The following GRIA3 variants were observed in gnomAD, a reference collection of about 807,000 sequenced individuals.
GRIA3 encodes the protein glutamate ionotropic receptor AMPA type subunit 3, also known as glutamate receptor 3.
GRIA3 carries 3 observed loss-of-function variants against 63.0 expected under a neutral mutation model. That is an observed-to-expected ratio of 0.05 (90% CI 0.02 to 0.12). GRIA3 has a LOEUF of 0.12. GRIA3 is among the 10% of genes least tolerant of loss of function. The pLI, the probability that GRIA3 is intolerant of heterozygous loss-of-function variation, is 1.00. For missense variants in GRIA3, 347 were observed against 700.9 expected (o/e 0.50, Z 5.70); for synonymous variants, 274 against 257.9 (o/e 1.06, Z -0.60).
At chrX:123,407,774 G>T (rs1158039973) in intron 10 of GRIA3, among the ~76,000 whole-genome samples, 1 of 101,977 alleles carries the variant, frequency 9.8e-6, no homozygotes, top group Non-Finnish European at 2.0e-5. Context: ...TGACTCTGAA[G>T]TCCATGCTTT....
At chrX:123,475,620 G>A (rs757803174) in intron 13 of GRIA3, among the ~76,000 whole-genome samples, 35 of 111,977 alleles carry the variant, frequency 3.1e-4, no homozygotes, top group African/African-American at 1.1e-3. Context: ...TCTCTATTGA[G>A]GTGAGTACAA....
chrX:123,438,735 G>A (rs2045658155), intron 12 of GRIA3, among the ~76,000 whole-genome samples: 1 of 112,340 alleles, frequency 8.9e-6, no homozygotes, highest in African/African-American at 3.2e-5. Flanking sequence ...GTTGGCCCCT[G>A]ACCTCGTGAT....
At position 123,432,937 on chromosome X, in the gene GRIA3, T is replaced by C. The variant is rs989193210; in HGVS notation, c.2076+4798T>C. Among the ~76,000 whole-genome samples the C allele has an allele frequency of 2.7e-5, 3 of 111,589 alleles. No individual in the cohort carries two copies. The East Asian group carries it at 8.5e-4, about 32-fold the overall frequency. Reference sequence around the variant, plus strand: ...CACCCTTTTTGAAACAAGCAAACTTTTGGAAAATGGCCAGGTCTGGAGGCT... The same window carrying C: ...CACCCTTTTTGAAACAAGCAAACTTCTGGAAAATGGCCAGGTCTGGAGGCT... On this transcript the variant is annotated intron_variant, in intron 12 of 15. Transcript: ENST00000620443.
chrX:123,403,037 A>G lies in GRIA3; in HGVS notation c.1124A>G (p.Tyr375Cys). ...ACTGGAAATATTCAATTTGACACTT[A>G]TGGACGTAGGACAAATTATACCATC... Reference protein sequence around the residue: ...GMTGNIQFDTYGRRTNYTIDV... With the variant: ...GMTGNIQFDTCGRRTNYTIDV... The change falls in exon 8 of 16, where the codon TAT (tyrosine) becomes TGT (cysteine). Residue 375 changes from tyrosine to cysteine, a missense_variant. Physicochemically the swap from Tyr to Cys is radical, Grantham distance 194. Coordinates refer to ENST00000620443, the MANE Select transcript of GRIA3 (RefSeq NM_007325.5). The G allele has an allele frequency of 8.5e-7, 1 of 1,177,046 alleles. No homozygotes were observed. The highest frequency in any genetic ancestry group is 1.2e-6 in the Non-Finnish European group (1 of 864,453).
At chrX:123,236,515 C>T (rs187470384) in intron 2 of GRIA3, among the ~76,000 whole-genome samples, 41 of 110,695 alleles carry the variant, frequency 3.7e-4, no homozygotes, top group Non-Finnish European at 6.2e-4. Context: ...GCTGCTTTTC[C>T]CCCCAGAGAA....
At chrX:123,213,008 G>C (rs1392989281) in intron 2 of GRIA3, among the ~76,000 whole-genome samples, 1 of 111,574 alleles carries the variant, frequency 9.0e-6, no homozygotes, top group Non-Finnish European at 1.9e-5. Context: ...TCTGCCTCCT[G>C]TCAGATCAGT....
chrX:123,324,094 G>A (rs1187628404), intron 3 of GRIA3, among the ~76,000 whole-genome samples: 4 of 111,578 alleles, frequency 3.6e-5, no homozygotes, highest in African/African-American at 1.3e-4. Flanking sequence ...CTGAGGAAAA[G>A]AATGTTAAAG....
chrX:123,355,999 C>T (rs1325730699), intron 5 of GRIA3, among the ~76,000 whole-genome samples: 2 of 111,964 alleles, frequency 1.8e-5, no homozygotes, highest in Non-Finnish European at 3.8e-5. Context: ...CAATAATTTG[C>T]TCTAAGTGGA....
chrX:123,209,683 TTCCCTAA>T (rs1427825271), intron 2 of GRIA3, among the ~76,000 whole-genome samples: 1 of 112,136 alleles, frequency 8.9e-6, no homozygotes, highest in Non-Finnish European at 1.9e-5. Context: ...TCAAGGTAGT[TTCCCTAA>T]TTAATTAGCT....
intron 3 of GRIA3, among the ~76,000 whole-genome samples, chrX:123,291,986 T>C (rs773143418): frequency 9.0e-6 from 1 of 111,445 alleles, no homozygotes; most frequent in Non-Finnish European, 1.9e-5. Context: ...TGCCTCAGGC[T>C]AACCAGAATT....
chrX:123,452,361 C>G (rs757679206), intron 12 of GRIA3, among the ~76,000 whole-genome samples: 12 of 108,148 alleles, frequency 1.1e-4, no homozygotes, highest in African/African-American at 4.1e-4. Context: ...CACTCCCCCC[C>G]CAAAAAAAAA....
chrX:123,193,091 T>TATG (rs1927483090), intron 2 of GRIA3, among the ~76,000 whole-genome samples: 1 of 109,069 alleles, frequency 9.2e-6, no homozygotes, highest in Admixed American at 1.0e-4. Context: ...CTTACTCAAG[T>TATG]ATGTATCTGT....
intron 3 of GRIA3, among the ~76,000 whole-genome samples, chrX:123,280,554 G>A (rs775746132): frequency 3.6e-5 from 4 of 112,052 alleles, no homozygotes; most frequent in South Asian, 3.7e-4. Context: ...TTGAAACAAC[G>A]TATCTAGTTT....
chrX:123,420,616 T>C (rs1193401480), intron 11 of GRIA3, among the ~76,000 whole-genome samples: 1 of 111,257 alleles, frequency 9.0e-6, no homozygotes, highest in Non-Finnish European at 1.9e-5. Flanking sequence ...TATTGGTTTC[T>C]GTAAGTGAAT....
chrX:123,242,253 T>C (rs1346949589), intron 2 of GRIA3, among the ~76,000 whole-genome samples: 2 of 112,144 alleles, frequency 1.8e-5, no homozygotes. Context: ...AGAATAATTT[T>C]TGTTTGGGGA....
chrX:123,363,827 C>T (rs981428621), intron 5 of GRIA3, among the ~76,000 whole-genome samples: 1 of 112,293 alleles, frequency 8.9e-6, no homozygotes, highest in Non-Finnish European at 1.9e-5. Flanking sequence ...ATATTATACC[C>T]ATATTTCTAA....
intron 3 of GRIA3, among the ~76,000 whole-genome samples, chrX:123,266,791 T>G (rs1254296353): frequency 8.9e-6 from 1 of 111,923 alleles, no homozygotes; most frequent in African/African-American, 3.3e-5. Context: ...ACTTTCAGTA[T>G]GTCACATGGA....
intron 13 of GRIA3, among the ~76,000 whole-genome samples, chrX:123,479,750 G>A (rs902464757): frequency 8.9e-6 from 1 of 112,013 alleles, no homozygotes; most frequent in African/African-American, 3.2e-5. Flanking sequence ...GCAAGCTGCC[G>A]CCGACGATTG....
intron 3 of GRIA3, among the ~76,000 whole-genome samples, chrX:123,273,721 C>T (rs1015112452): frequency 2.7e-5 from 3 of 112,001 alleles, no homozygotes; most frequent in African/African-American, 9.7e-5. Flanking sequence ...CTGGACTTTC[C>T]ATTCTGGTGC....
Sources: allele counts gnomAD v4.1 joint callset (sites outside exome capture counted in the v4.1 genomes callset), GRCh38; gene constraint gnomAD v4.1.1; transcripts MANE v1.5; gene names NCBI Gene and HGNC (gene_info 2026-07-23, HGNC 2026-07-21).